The following RYR3 variants were observed in gnomAD, a reference collection of about 807,000 sequenced individuals.
RYR3 encodes the protein ryanodine receptor 3.
RYR3 carries 207 observed loss-of-function variants against 584.3 expected under a neutral mutation model. The observed-to-expected ratio is 0.35, with a 90% CI of 0.32 to 0.40. RYR3 has a LOEUF of 0.40. Among genes scored for constraint, RYR3 ranks in the 10% least tolerant of loss-of-function variants. The pLI, the probability that RYR3 is intolerant of heterozygous loss-of-function variation, is 1.00. For synonymous variants in RYR3, 2,416 were observed against 2,248.5 expected, an observed-to-expected ratio of 1.07 and a Z score of -2.11; for missense variants, 5,616 against 6,089.2, an observed-to-expected ratio of 0.92 and a Z score of 2.59.
intron 94 of RYR3, chr15:33,849,449 G>C (rs1281109792): frequency 6.6e-6 from 1 of 152,176 alleles, no homozygotes; most frequent in Non-Finnish European, 1.5e-5. Context: ...GAGGATTAAT[G>C]AATGTATGTG....
intron 74 of RYR3, among the ~76,000 whole-genome samples, chr15:33,814,108 C>T (rs1489733065): frequency 6.6e-6 from 1 of 152,200 alleles, no homozygotes; most frequent in Non-Finnish European, 1.5e-5. Flanking sequence ...ACGATGCCTT[C>T]GGGTGTTTCA....
At chr15:33,451,762 C>T (rs1275747105) in intron 1 of RYR3, among the ~76,000 whole-genome samples, 5 of 152,186 alleles carry the variant, frequency 3.3e-5, no homozygotes, top group African/African-American at 1.2e-4. Context: ...ATTAATATTT[C>T]TGCTTTATAG....
intron 1 of RYR3, among the ~76,000 whole-genome samples, chr15:33,315,313 C>T (rs1402178221): frequency 6.6e-6 from 1 of 152,178 alleles, no homozygotes; most frequent in Non-Finnish European, 1.5e-5. Context: ...CGGCAGGGCC[C>T]ATTTACATAA....
At chr15:33,577,331 T>C (rs531735102) in intron 12 of RYR3, among the ~76,000 whole-genome samples, 191 of 152,102 alleles carry the variant, frequency 1.3e-3, no homozygotes, top group Non-Finnish European at 1.8e-3. Flanking sequence ...GCAAAAAGAA[T>C]AAAGACAGAG....
At chr15:33,413,446 A>G (rs1464221103) in intron 1 of RYR3, among the ~76,000 whole-genome samples, 2 of 152,236 alleles carry the variant, frequency 1.3e-5, no homozygotes, top group Non-Finnish European at 2.9e-5. Flanking sequence ...CAAACAAGAC[A>G]GTCCAGTCAT....
chr15:33,713,484 G>A (rs1596284959), intron 43 of RYR3, among the ~76,000 whole-genome samples: 1 of 151,686 alleles, frequency 6.6e-6, no homozygotes, highest in Non-Finnish European at 1.5e-5. Flanking sequence ...ATAAGGGTGA[G>A]TGTGGTGAAT....
chr15:33,776,301 G>A (rs1243302211), intron 64 of RYR3, among the ~76,000 whole-genome samples: 1 of 152,236 alleles, frequency 6.6e-6, no homozygotes, highest in Non-Finnish European at 1.5e-5. Context: ...TCATTGACAA[G>A]TGGAGTTTGC....
intron 1 of RYR3, among the ~76,000 whole-genome samples, chr15:33,320,178 G>A (rs1968766843): frequency 6.6e-6 from 1 of 152,150 alleles, no homozygotes; most frequent in Non-Finnish European, 1.5e-5. Flanking sequence ...GATAGGATCA[G>A]GCTCACAATA....
chr15:33,845,104 G>A, intron 93 of RYR3, 42 bp downstream of exon 93: 2 of 1,600,834 alleles, frequency 1.2e-6, no homozygotes, highest in Non-Finnish European at 1.7e-6. Context: ...ACTCCTTGAG[G>A]AAGAAATGTC....
At chr15:33,761,535 C>T (rs186738273) in intron 60 of RYR3, among the ~76,000 whole-genome samples, 9 of 152,158 alleles carry the variant, frequency 5.9e-5, no homozygotes, top group African/African-American at 2.2e-4. Flanking sequence ...CCACATACAC[C>T]CTCCCAAGAC....
chr15:33,826,335 C>G (rs2077378905), intron 83 of RYR3, 66 bp downstream of exon 83: 2 of 1,506,030 alleles, frequency 1.3e-6, no homozygotes, highest in Admixed American at 1.7e-5. Flanking sequence ...ATTTAATTGC[C>G]TCAGCACAGA....
intron 16 of RYR3, among the ~76,000 whole-genome samples, chr15:33,589,254 G>A (rs2059008606): frequency 6.6e-6 from 1 of 152,182 alleles, no homozygotes; most frequent in Non-Finnish European, 1.5e-5. Flanking sequence ...CCATTCGTGT[G>A]TCTTCGTTTG....
chr15:33,823,883 G>A (rs2077237592), intron 81 of RYR3, among the ~76,000 whole-genome samples: 1 of 151,924 alleles, frequency 6.6e-6, no homozygotes, highest in Non-Finnish European at 1.5e-5. Context: ...TTAAAAATGT[G>A]GAGGATGGTC....
chr15:33,685,754 A>G (rs2064963559), intron 38 of RYR3, among the ~76,000 whole-genome samples: 1 of 152,262 alleles, frequency 6.6e-6, no homozygotes, highest in Non-Finnish European at 1.5e-5. Context: ...CTAAGACCAC[A>G]GTGCAATCAA....
chr15:33,584,226 T>TA (rs894084957), intron 14 of RYR3, among the ~76,000 whole-genome samples, 169 bp from the exon 15 acceptor site: 1 of 151,600 alleles, frequency 6.6e-6, no homozygotes, highest in African/African-American at 2.4e-5. Context: ...GACTGTCACT[T>TA]AAAAAAAGAA....
chr15:33,452,468 C>CAT (rs2047209729), intron 1 of RYR3, among the ~76,000 whole-genome samples: 3 of 152,108 alleles, frequency 2.0e-5, no homozygotes, highest in Admixed American at 6.6e-5. Context: ...CTATGAAAAT[C>CAT]AGACTACTTA....
At chr15:33,470,354 T>C (rs540977639) in intron 1 of RYR3, among the ~76,000 whole-genome samples, 4 of 152,290 alleles carry the variant, frequency 2.6e-5, no homozygotes, top group Admixed American at 1.3e-4. Context: ...AAGGAAAATT[T>C]TGTGGTCTTG....
chr15:33,859,448 T>A, intron 99 of RYR3, 127 bp from the exon 100 acceptor site: 1 of 937,928 alleles, frequency 1.1e-6, no homozygotes, highest in South Asian at 1.6e-5. Context: ...TACTGGCACC[T>A]CTGAAGAGTT....
chr15:33,669,491 T>TA, intron 37 of RYR3, 35 bp downstream of exon 37: 1 of 1,576,088 alleles, frequency 6.3e-7, no homozygotes, highest in Non-Finnish European at 8.7e-7. Flanking sequence ...GTCCTTTTTT[T>TA]ACAAGAAGAG....
Sources: gnomAD v4.1 joint callset for allele counts (sites outside exome capture counted in the v4.1 genomes callset) on GRCh38, gnomAD v4.1.1 for gene constraint, MANE v1.5 for transcripts, NCBI Gene and HGNC (gene_info 2026-07-23, HGNC 2026-07-21) for gene names.